LPP: variants seen among roughly 807,000 people sequenced by gnomAD.
LPP encodes the protein LIM domain containing preferred translocation partner in lipoma.
Under a neutral mutation model 60.4 loss-of-function variants are expected in LPP, and 38 were observed. That is an observed-to-expected ratio of 0.63 (90% confidence interval 0.49 to 0.83). LPP has a LOEUF of 0.83. LPP is among the 40% of genes least tolerant of loss of function. LPP has a pLI of 0.00. For synonymous variants in LPP, 328 were observed against 290.8 expected (o/e 1.13, Z -1.30); for missense variants, 902 against 783.6 (o/e 1.15, Z -1.80).
intron 7 of LPP, among the ~76,000 whole-genome samples, chr3:188,625,973 C>G (rs1846759334): frequency 6.6e-6 from 1 of 152,082 alleles, no homozygotes; most frequent in Non-Finnish European, 1.5e-5. Context: ...ATGGGCCTTA[C>G]CTATTTTAGT....
chr3:188,840,491 C>G (rs972131932), intron 9 of LPP, among the ~76,000 whole-genome samples: 2 of 152,084 alleles, frequency 1.3e-5, no homozygotes, highest in Non-Finnish European at 1.5e-5. Context: ...TCTGTCAACC[C>G]CACACAAGGA....
intron 3 of LPP, among the ~76,000 whole-genome samples, chr3:188,351,841 G>A (rs1475967268): frequency 1.3e-5 from 2 of 152,116 alleles, no homozygotes; most frequent in Non-Finnish European, 2.9e-5. Flanking sequence ...GATCAAAATT[G>A]GCGTTGGGGG....
At chr3:188,415,972 T>G (rs190465050) in intron 4 of LPP, among the ~76,000 whole-genome samples, 25 of 152,216 alleles carry the variant, frequency 1.6e-4, no homozygotes, top group Non-Finnish European at 3.5e-4. Context: ...TAGTTAACAA[T>G]AAGGTAACAA....
rs773414589 is a variant in LPP at position 188,609,229 on chromosome 3, C to A, written c.498C>A (p.Ile166=). 1.9e-6 allele frequency: 3 copies of A among 1,613,994 alleles called. No individual in the cohort carries two copies. The highest frequency in any genetic ancestry group is 2.5e-6 in the Non-Finnish European group (3 of 1,179,992). ...TCACAGGACACAAGAGAATGGTCAT[C>A]CCGAACCAACCCCCTCTAACAGCAA... ...TPVTGHKRMV[I]PNQPPLTATK... Residue 166 remains isoleucine (I), a synonymous_variant, in exon 7 of 12, where the codon ATC becomes ATA. Transcript: ENST00000617246. The surrounding 1 kb of genome is among the most constrained non-coding windows in gnomAD (Gnocchi z 6.9).
At chr3:188,205,874 G>A (rs75342880) in intron 1 of LPP, among the ~76,000 whole-genome samples, 1,864 of 152,280 alleles carry the variant, frequency 0.012, 26 homozygotes, top group African/African-American at 0.043. Context: ...GGAAGGAAGG[G>A]GACCGCTAGA....
chr3:188,448,730 G>A (rs892003509), intron 4 of LPP, among the ~76,000 whole-genome samples: 1 of 152,132 alleles, frequency 6.6e-6, no homozygotes, highest in African/African-American at 2.4e-5. Flanking sequence ...ATGGCAAATG[G>A]TAGTCCTCTC....
chr3:188,744,694 G>A (rs1035394394), intron 8 of LPP, among the ~76,000 whole-genome samples: 4 of 151,930 alleles, frequency 2.6e-5, no homozygotes, highest in African/African-American at 9.7e-5. Flanking sequence ...CCAAACAACT[G>A]GCCTCCCAAC....
Position 188,875,892 on chromosome 3 carries a change from AAGG to A in LPP, c.*1415_*1417del, listed in dbSNP as rs1427649240. 1 of 188,116 alleles carries A rather than the reference AAGG, an allele frequency of 5.3e-6. No individual in the cohort carries two copies. The highest frequency in any genetic ancestry group is 2.3e-5 in the African/African-American group (1 of 42,828). The allele number at this position is 188,116 out of a possible 1,614,324, so 11.7% of individuals were successfully genotyped here. A position where few individuals can be genotyped will look rare whatever the true frequency, so the allele number is the denominator to read the frequency against. On this transcript the variant is annotated 3_prime_UTR_variant, in exon 12 of 12. Transcript: ENST00000617246. ...ATGGCAAGTTGCCATTTTGTAAACT[AAGG>A]ATTTTGGACTGAGATTTCTTAAATC... is the stretch of plus-strand genomic sequence containing the variant.
intron 9 of LPP, among the ~76,000 whole-genome samples, chr3:188,771,132 A>G (rs949843163): frequency 6.6e-6 from 1 of 152,224 alleles, no homozygotes; most frequent in Non-Finnish European, 1.5e-5. Context: ...CACTAATTCT[A>G]TAATATTGTA....
chr3:188,420,855 A>G (rs1196672419), intron 4 of LPP, among the ~76,000 whole-genome samples: 2 of 152,224 alleles, frequency 1.3e-5, no homozygotes, highest in Non-Finnish European at 2.9e-5. Context: ...TGTAACGTGT[A>G]CACAATTATA....
At chr3:188,616,720 T>C (rs538999518) in intron 7 of LPP, among the ~76,000 whole-genome samples, 5 of 152,286 alleles carry the variant, frequency 3.3e-5, no homozygotes, top group African/African-American at 1.2e-4. Context: ...AATACTGGGT[T>C]TTTCAATCCA....
chr3:188,560,471 A>G (rs1338003060), intron 6 of LPP, among the ~76,000 whole-genome samples: 1 of 152,128 alleles, frequency 6.6e-6, no homozygotes, highest in Non-Finnish European at 1.5e-5. Context: ...TTTAGGAGAA[A>G]GAGTCATGAA....
chr3:188,347,720 A>G (rs1445681220), intron 3 of LPP, among the ~76,000 whole-genome samples: 3 of 152,236 alleles, frequency 2.0e-5, no homozygotes, highest in Non-Finnish European at 4.4e-5. Flanking sequence ...TGACTGCCAC[A>G]TGTGTGAAGC....
intron 4 of LPP, among the ~76,000 whole-genome samples, chr3:188,411,498 A>G (rs1287677580): frequency 6.6e-6 from 1 of 152,178 alleles, no homozygotes; most frequent in Non-Finnish European, 1.5e-5. Context: ...AAGATTTTAT[A>G]GTGTTAACTA....
intron 4 of LPP, among the ~76,000 whole-genome samples, chr3:188,408,796 G>T (rs1351386823): frequency 6.6e-6 from 1 of 151,546 alleles, no homozygotes; most frequent in Non-Finnish European, 1.5e-5. Context: ...CTTAAAGGAG[G>T]TGACATTCTC....
chr3:188,811,351 TACACAC>T lies in LPP; in HGVS notation c.1410+51098_1410+51103del, dbSNP rs58445393. ...AGCGAGAAAATGATTAAGTGCTGTA[TACACAC>T]ACACACACACACACACACACACACA... On this transcript the variant is annotated intron_variant, in intron 9 of 11. Coordinates refer to ENST00000617246, the MANE Select transcript of LPP (RefSeq NM_001375462.1). 4.0e-3 allele frequency among the ~76,000 whole-genome samples: 584 copies of T among 144,866 alleles called. 8 individuals are homozygous for T. Among genetic ancestry groups the T allele is most frequent in the East Asian group, 0.035 (175 of 4,932 alleles).
intron 6 of LPP, among the ~76,000 whole-genome samples, chr3:188,579,733 T>G (rs1219238494): frequency 6.6e-6 from 1 of 151,418 alleles, no homozygotes; most frequent in African/African-American, 2.4e-5. Flanking sequence ...GCTGAGGCGG[T>G]ATGATCCCAT....
intron 7 of LPP, among the ~76,000 whole-genome samples, chr3:188,694,110 G>A (rs1007744695): frequency 6.6e-6 from 1 of 152,106 alleles, no homozygotes; most frequent in Non-Finnish European, 1.5e-5. Context: ...ATTTTAGAAA[G>A]GCCTAAGTTG....
chr3:188,738,396 C>A (rs934597304), intron 8 of LPP, among the ~76,000 whole-genome samples: 1 of 152,012 alleles, frequency 6.6e-6, no homozygotes, highest in Non-Finnish European at 1.5e-5. Flanking sequence ...GTAGTTTATA[C>A]CCAGATAGGT....
Sources: gnomAD v4.1 joint callset for allele counts (sites outside exome capture counted in the v4.1 genomes callset) on GRCh38, gnomAD v4.1.1 for gene constraint, Gnocchi (gnomAD v3.1) non-coding constraint, MANE v1.5 for transcripts, NCBI Gene and HGNC (gene_info 2026-07-23, HGNC 2026-07-21) for gene names.